Variants in SIPA1L2 observed in about 807,000 individuals in gnomAD.
The protein encoded by SIPA1L2 is signal induced proliferation associated 1 like 2.
SIPA1L2 carries 56 observed loss-of-function variants against 163.9 expected under a neutral mutation model. That is an observed-to-expected ratio of 0.34 (90% CI 0.28 to 0.43). The LOEUF (loss-of-function observed/expected upper bound fraction) is 0.43, where lower values mean the gene tolerates loss of function less well. Among genes scored for constraint, SIPA1L2 ranks in the 20% least tolerant of loss-of-function variants. The pLI is 1.00. For missense variants in SIPA1L2, 1,974 were observed against 2,193.5 expected, an observed-to-expected ratio of 0.90 and a Z score of 2.00; for synonymous variants, 877 against 865.7, an observed-to-expected ratio of 1.01 and a Z score of -0.23.
At chr1:232,411,979 A>C (rs1393039198) in intron 19 of SIPA1L2, among the ~76,000 whole-genome samples, 3 of 152,184 alleles carry the variant, frequency 2.0e-5, no homozygotes, top group African/African-American at 7.2e-5. Context: ...GAGGGAGCTT[A>C]CTGAGTCCTT....
chr1:232,599,999 C>G (rs902386603), intron 1 of SIPA1L2, among the ~76,000 whole-genome samples: 1 of 152,230 alleles, frequency 6.6e-6, no homozygotes, highest in Non-Finnish European at 1.5e-5. Context: ...TTGGGCTCTG[C>G]TTGCCCATCT....
intron 8 of SIPA1L2, among the ~76,000 whole-genome samples, chr1:232,467,511 GCTA>G (rs1347513530): frequency 6.6e-6 from 1 of 152,128 alleles, no homozygotes; most frequent in African/African-American, 2.4e-5. Context: ...TGGTCTTAAA[GCTA>G]CCTGTTTGGA....
chr1:232,416,508 G>C (rs1426135588), intron 18 of SIPA1L2, among the ~76,000 whole-genome samples: 2 of 152,158 alleles, frequency 1.3e-5, no homozygotes, highest in African/African-American at 4.8e-5. Flanking sequence ...TTCTTCAGGG[G>C]AGACCTTCCT....
chr1:232,625,907 G>C (rs148089597), intron 1 of SIPA1L2, among the ~76,000 whole-genome samples: 54 of 152,282 alleles, frequency 3.5e-4, no homozygotes, highest in African/African-American at 1.3e-3. Flanking sequence ...AGGGTTAGTT[G>C]AGCTACTCAG....
At position 232,398,316 on chromosome 1, in the gene SIPA1L2, C is replaced by G. The variant is rs150501002; in HGVS notation, c.*811G>C. 10 of 152,760 alleles carry G rather than the reference C, an allele frequency of 6.5e-5. No individual in the cohort carries two copies. The East Asian group carries it at 1.9e-3, about 29-fold the overall frequency. 9.5% of individuals were successfully genotyped at this position (152,760 alleles called of 1,614,324 possible). A position where few individuals can be genotyped will look rare whatever the true frequency, so the allele number is the denominator to read the frequency against. On this transcript the variant is annotated 3_prime_UTR_variant, in exon 23 of 23. Transcript: ENST00000674635. ...TACAAGTGGTTCCGCTGGCTCACAG[C>G]ACACAGGGAAGTTCTAGTGAGTAAG...
At chr1:232,440,842 C>T (rs1216502693) in intron 14 of SIPA1L2, among the ~76,000 whole-genome samples, 2 of 152,312 alleles carry the variant, frequency 1.3e-5, no homozygotes, top group African/African-American at 2.4e-5. Flanking sequence ...AGAACTACCA[C>T]GTGGGCGGTG....
At chr1:232,516,615 C>T (rs891889461) in intron 2 of SIPA1L2, among the ~76,000 whole-genome samples, 10 of 151,422 alleles carry the variant, frequency 6.6e-5, no homozygotes, top group South Asian at 2.1e-4. Flanking sequence ...GTAGACGATA[C>T]GTTGTCATCC....
chr1:232,534,367 A>T (rs1657174563), intron 2 of SIPA1L2, among the ~76,000 whole-genome samples: 1 of 152,232 alleles, frequency 6.6e-6, no homozygotes, highest in Admixed American at 6.5e-5. Flanking sequence ...CCTTCAGCTA[A>T]CGGCATATAC....
At chr1:232,598,326 T>G (rs1661393292) in intron 1 of SIPA1L2, among the ~76,000 whole-genome samples, 1 of 152,018 alleles carries the variant, frequency 6.6e-6, no homozygotes, top group African/African-American at 2.4e-5. Flanking sequence ...GATTGCTGAT[T>G]AAGCTGAGGA....
intron 2 of SIPA1L2, among the ~76,000 whole-genome samples, chr1:232,548,324 C>T (rs948290309): frequency 1.3e-5 from 2 of 152,168 alleles, no homozygotes; most frequent in African/African-American, 2.4e-5. Context: ...AAGAGCCACC[C>T]TGACTCCCTA....
intron 10 of SIPA1L2, 58 bp downstream of exon 10, chr1:232,460,829 G>A (rs1572932712): frequency 1.3e-6 from 2 of 1,570,930 alleles, no homozygotes; most frequent in East Asian, 2.3e-5. Context: ...ACTGAGGACA[G>A]CCACCTGCTA....
chr1:232,477,493 C>T (rs1039037625), intron 7 of SIPA1L2, among the ~76,000 whole-genome samples: 5 of 152,184 alleles, frequency 3.3e-5, no homozygotes, highest in African/African-American at 1.2e-4. Context: ...GTTCTGGGCA[C>T]ACAGGGACAC....
intron 2 of SIPA1L2, among the ~76,000 whole-genome samples, chr1:232,543,803 G>C (rs1657841679): frequency 6.6e-6 from 1 of 152,176 alleles, no homozygotes; most frequent in Non-Finnish European, 1.5e-5. Context: ...AGGAGTTTGA[G>C]GCTACCGGGA....
intron 1 of SIPA1L2, among the ~76,000 whole-genome samples, chr1:232,587,263 C>G (rs12409226): frequency 0.51 from 77,213 of 151,970 alleles, 20,462 homozygotes; most frequent in East Asian, 0.75. Context: ...CAGCCCCAGT[C>G]AAAGTGCCAC....
intron 2 of SIPA1L2, among the ~76,000 whole-genome samples, chr1:232,565,165 C>T (rs570375359): frequency 1.3e-5 from 2 of 152,312 alleles, no homozygotes; most frequent in South Asian, 4.1e-4. Context: ...CAACAAGCAT[C>T]GTCTGGATGA....
At chr1:232,565,166 G>A (rs1016339630) in intron 2 of SIPA1L2, among the ~76,000 whole-genome samples, 2 of 152,206 alleles carry the variant, frequency 1.3e-5, no homozygotes, top group East Asian at 1.9e-4. Flanking sequence ...AACAAGCATC[G>A]TCTGGATGAA....
chr1:232,459,600 C>G (rs537581894), intron 10 of SIPA1L2, among the ~76,000 whole-genome samples: 1 of 152,110 alleles, frequency 6.6e-6, no homozygotes, highest in Admixed American at 6.5e-5. Flanking sequence ...GCAGCCTCGA[C>G]CTCCCAGGCT....
chr1:232,553,007 A>G (rs1393842233), intron 2 of SIPA1L2, among the ~76,000 whole-genome samples: 4 of 152,204 alleles, frequency 2.6e-5, no homozygotes, highest in African/African-American at 9.6e-5. Flanking sequence ...TGCCATCTGC[A>G]GACGGCCTAA....
intron 2 of SIPA1L2, among the ~76,000 whole-genome samples, chr1:232,564,894 T>TA (rs1659309490): frequency 6.6e-6 from 1 of 152,106 alleles, no homozygotes; most frequent in Non-Finnish European, 1.5e-5. Flanking sequence ...CACTGAGGCC[T>TA]GTCTCAGGGT....
Sources: gnomAD v4.1 joint callset for allele counts (sites outside exome capture counted in the v4.1 genomes callset) on GRCh38, gnomAD v4.1.1 for gene constraint, MANE v1.5 for transcripts, NCBI Gene and HGNC (gene_info 2026-07-23, HGNC 2026-07-21) for gene names.